RGS10: variants seen among roughly 807,000 people sequenced by gnomAD.
RGS10 encodes regulator of G-protein signalling 10.
In RGS10, 11 loss-of-function variants were observed where a neutral mutation model predicts 23.5. The ratio of observed to expected loss-of-function variants is 0.47; its 90% CI spans 0.29 to 0.77. The LOEUF (loss-of-function observed/expected upper bound fraction) is 0.77. Ranked by LOEUF, RGS10 falls within the 30% of genes least tolerant of loss-of-function variation. RGS10 has a pLI of 0.08. For missense variants in RGS10, 180 were observed against 226.3 expected, an observed-to-expected ratio of 0.80 and a Z score of 1.31; for synonymous variants, 77 against 83.2, an observed-to-expected ratio of 0.92 and a Z score of 0.41.
At chr10:119,532,514 A>G (rs577147130) in intron 1 of RGS10, among the ~76,000 whole-genome samples, 4 of 152,194 alleles carry the variant, frequency 2.6e-5, no homozygotes, top group Non-Finnish European at 5.9e-5. Flanking sequence ...CAGGAGTTCA[A>G]GACCAGCCTG....
intron 1 of RGS10, among the ~76,000 whole-genome samples, chr10:119,536,853 CA>C (rs1353584903): frequency 6.6e-6 from 1 of 152,112 alleles, no homozygotes; most frequent in African/African-American, 2.4e-5. Context: ...AAGCTGCCCT[CA>C]CCCTCCTACT....
chr10:119,518,040 C>T (rs1433315938), intron 3 of RGS10, among the ~76,000 whole-genome samples: 1 of 152,190 alleles, frequency 6.6e-6, no homozygotes, highest in Non-Finnish European at 1.5e-5. Flanking sequence ...CACGGGAAGG[C>T]CTGGTGTCTA....
At chr10:119,539,953 A>C (rs949671920) in intron 1 of RGS10, among the ~76,000 whole-genome samples, 1 of 51,266 alleles carries the variant, frequency 2.0e-5, no homozygotes, top group Non-Finnish European at 5.4e-5. Context: ...AAATAATTCA[A>C]AATTACAAAA....
rs571495614 is a variant in RGS10, at chr10:119,541,477, C to G, written c.49+1113G>C. Among the ~76,000 whole-genome samples, 17 of 152,080 alleles carry G rather than the reference C, an allele frequency of 1.1e-4. No individual in the cohort carries two copies. In the South Asian group the frequency reaches 2.5e-3, roughly 22 times the overall value. ...AAAAGGCGAGTAGCTACTGTTATTC[C>G]CACTGTGCAGAACCTCATTCTGCAG... On this transcript the variant is annotated intron_variant, in intron 1 of 4. Transcript: ENST00000369103.
intron 4 of RGS10, among the ~76,000 whole-genome samples, chr10:119,508,098 A>T (rs540037518): frequency 1.3e-5 from 2 of 152,236 alleles, no homozygotes; most frequent in South Asian, 4.1e-4. Context: ...CCCGGGTTCA[A>T]GCGATTTTCC....
intron 4 of RGS10, among the ~76,000 whole-genome samples, chr10:119,511,405 G>A (rs1198975043): frequency 2.0e-5 from 3 of 152,162 alleles, no homozygotes; most frequent in Non-Finnish European, 2.9e-5. Flanking sequence ...GATCACTTGA[G>A]GCCAGGAGTT....
chr10:119,542,140 G>C (rs139771747), intron 1 of RGS10, among the ~76,000 whole-genome samples: 5 of 152,214 alleles, frequency 3.3e-5, no homozygotes, highest in African/African-American at 1.2e-4. Context: ...GACGCCCCAG[G>C]CCCAGGGGCC....
chr10:119,526,651 G>A (rs1338910042), intron 2 of RGS10, among the ~76,000 whole-genome samples: 2 of 152,184 alleles, frequency 1.3e-5, no homozygotes, highest in Non-Finnish European at 2.9e-5. Flanking sequence ...ACAGTGGCCT[G>A]GCGACCAGGA....
At chr10:119,529,509 T>C (rs927288593) in intron 1 of RGS10, among the ~76,000 whole-genome samples, 4 of 152,106 alleles carry the variant, frequency 2.6e-5, no homozygotes, top group African/African-American at 9.7e-5. Context: ...TTCAAAACTA[T>C]AGGATCTTGG....
rs1320885176 is a variant in RGS10, at chr10:119,524,369, G to A, written c.255+1663C>T. Reference sequence around the variant, plus strand: ...AGTCCTAGCTCTGCCACGGTGCGGGGACCTCACTTCCTTGTCTACACTGCA... The same window carrying A: ...AGTCCTAGCTCTGCCACGGTGCGGGAACCTCACTTCCTTGTCTACACTGCA... On this transcript the variant is annotated intron_variant, in intron 3 of 4. Transcript: ENST00000369103. This position sits in a 1 kb window ranked among gnomAD's most constrained non-coding sequence, Gnocchi z 5.2. Among the ~76,000 whole-genome samples, 1 of 152,106 alleles carries A rather than the reference G, an allele frequency of 6.6e-6. No homozygotes were observed. The highest frequency in any genetic ancestry group is 1.5e-5 in the Non-Finnish European group (1 of 68,004).
intron 4 of RGS10, among the ~76,000 whole-genome samples, chr10:119,511,485 G>A (rs946398118): frequency 1.3e-5 from 2 of 152,102 alleles, no homozygotes; most frequent in Non-Finnish European, 2.9e-5. Context: ...CTAGCCTGGT[G>A]ACATACGCCT....
At chr10:119,501,799 G>C (rs1219274190) in intron 4 of RGS10, among the ~76,000 whole-genome samples, 2 of 152,174 alleles carry the variant, frequency 1.3e-5, no homozygotes, top group Non-Finnish European at 2.9e-5. Context: ...ACATCTGCTT[G>C]GAGGATGGGA....
At position 119,527,464 on chromosome 10, in the gene RGS10, CA is replaced by C; in HGVS notation, c.50-41del. ...TCAGACTGCATATGTGGCCAACAGA[CA>C]CTGTCATTTTAAGAAATCTGCATGC... On this transcript the variant is annotated intron_variant, in intron 1 of 4. Transcript: ENST00000369103. This position sits in a 1 kb window ranked among gnomAD's most constrained non-coding sequence, Gnocchi z 4.2. 1.3e-6 allele frequency: 2 copies of C among 1,490,104 alleles called. No individual in the cohort carries two copies. The highest frequency in any genetic ancestry group is 1.9e-6 in the Non-Finnish European group (2 of 1,068,124). 92.3% of individuals were successfully genotyped at this position (1,490,104 alleles called of 1,614,324 possible). A position where few individuals can be genotyped will look rare whatever the true frequency, so the allele number is the denominator to read the frequency against.
chr10:119,531,418 G>A (rs1054830448), intron 1 of RGS10, among the ~76,000 whole-genome samples: 3 of 152,096 alleles, frequency 2.0e-5, no homozygotes, highest in Admixed American at 6.5e-5. Context: ...TCACTGCCAC[G>A]CTGTCTTGCA....
chr10:119,534,256 AAAAT>A (rs199735313), intron 1 of RGS10, among the ~76,000 whole-genome samples: 34,084 of 122,694 alleles, frequency 0.28, 5,364 homozygotes, highest in East Asian at 0.61. Flanking sequence ...AACCTGTCTT[AAAAT>A]AAATAAATAA....
In RGS10 at chr10:119,515,471, G is replaced by A. The variant is rs780809740; in HGVS notation, c.399+38C>T. On this transcript the variant is annotated intron_variant, in intron 4 of 4. Coordinates refer to ENST00000369103, the MANE Select transcript of RGS10 (RefSeq NM_001005339.2). Reference sequence around the variant, plus strand: ...TCTTCCAGGCCTGGAATTAATGTAGGTTTTCAAATCAAGGTGCAGGCAGGG... The same window carrying A: ...TCTTCCAGGCCTGGAATTAATGTAGATTTTCAAATCAAGGTGCAGGCAGGG... The A allele has an allele frequency of 6.2e-6, 10 of 1,612,626 alleles. No homozygotes were observed. The East Asian group carries it at 2.0e-4, about 32-fold the overall frequency.
At chr10:119,514,094 G>A (rs900667395) in intron 4 of RGS10, among the ~76,000 whole-genome samples, 39 of 152,216 alleles carry the variant, frequency 2.6e-4, no homozygotes, top group African/African-American at 8.9e-4. Flanking sequence ...GGTGGCTCAC[G>A]CCTGTAATCC....
intron 4 of RGS10, among the ~76,000 whole-genome samples, chr10:119,501,943 T>C (rs537034874): frequency 2.0e-5 from 3 of 152,074 alleles, no homozygotes; most frequent in South Asian, 4.2e-4. Context: ...CCTGGGACTT[T>C]AGGTTTTCTT....
rs190737226 is a variant in RGS10, at chr10:119,524,520, G to A, written c.255+1512C>T. Among the ~76,000 whole-genome samples, 514 of 152,232 alleles carry A rather than the reference G, an allele frequency of 3.4e-3. 4 individuals are homozygous for A. Among genetic ancestry groups the A allele is most frequent in the African/African-American group, 0.012 (487 of 41,536 alleles). Reference sequence around the variant, plus strand: ...ATTTTATGGTGAGGCTGGTCGCAGCGGTGGCACAGTCTAGCATTTATCGAT... The same window carrying A: ...ATTTTATGGTGAGGCTGGTCGCAGCAGTGGCACAGTCTAGCATTTATCGAT... On this transcript the variant is annotated intron_variant, in intron 3 of 4. Transcript: ENST00000369103. This position sits in a 1 kb window ranked among gnomAD's most constrained non-coding sequence, Gnocchi z 5.2.
Sources: allele counts gnomAD v4.1 joint callset (sites outside exome capture counted in the v4.1 genomes callset), GRCh38; gene constraint gnomAD v4.1.1; non-coding constraint Gnocchi (gnomAD v3.1); transcripts MANE v1.5; gene names NCBI Gene and HGNC (gene_info 2026-07-23, HGNC 2026-07-21).